RGS22: variants seen among roughly 807,000 people sequenced by gnomAD.
RGS22 encodes regulator of G-protein signaling 22.
Under a neutral mutation model 172.9 loss-of-function variants are expected in RGS22, and 148 were observed. The ratio of observed to expected loss-of-function variants is 0.86; its 90% CI spans 0.75 to 0.98. RGS22 has a LOEUF of 0.98. RGS22 is among the 50% of genes least tolerant of loss of function. RGS22 has a pLI of 0.00. For synonymous variants in RGS22, 458 were observed against 480.2 expected (o/e 0.95, Z 0.60); for missense variants, 1,347 against 1,440.8 (o/e 0.93, Z 1.05).
chr8:99,994,246 T>A (rs976898065), intron 20 of RGS22, among the ~76,000 whole-genome samples: 4 of 152,164 alleles, frequency 2.6e-5, no homozygotes, highest in African/African-American at 9.7e-5. Context: ...TTCAATGTAG[T>A]GTTGGAAGTT....
intron 14 of RGS22, among the ~76,000 whole-genome samples, chr8:100,028,936 G>T (rs1210430896): frequency 6.6e-6 from 1 of 152,132 alleles, no homozygotes; most frequent in East Asian, 1.9e-4. Flanking sequence ...CATGTATGTG[G>T]TTACATTACA....
At chr8:99,963,781 G>A (rs949943729) in intron 24 of RGS22, among the ~76,000 whole-genome samples, 23 of 151,998 alleles carry the variant, frequency 1.5e-4, no homozygotes, top group African/African-American at 5.6e-4. Context: ...TTTATATCAG[G>A]GACTTGAGCA....
chr8:100,039,985 A>C lies in RGS22; in HGVS notation c.2041T>G (p.Phe681Val), dbSNP rs1819931067. The change falls in exon 13 of 28, where the codon TTC becomes GTC. Residue 681 changes from phenylalanine (F) to valine (V), a missense_variant. Coordinates refer to ENST00000360863, the MANE Select transcript of RGS22 (RefSeq NM_015668.5). ...ACCTTGTTCCCTGAATGCTCGCAGA[A>C]TTTAGTAAAGAAGAATCCAGCTCTA... ...ENRAGFFFTK[F>V]CEHSGNKLWK... The C allele has an allele frequency of 6.3e-7, 1 of 1,583,282 alleles. No individual in the cohort carries two copies. Among genetic ancestry groups the C allele is most frequent in the Non-Finnish European group, 8.6e-7 (1 of 1,165,610 alleles).
At chr8:100,041,060 C>T (rs1237505309) in intron 12 of RGS22, among the ~76,000 whole-genome samples, 1 of 152,104 alleles carries the variant, frequency 6.6e-6, no homozygotes, top group East Asian at 1.9e-4. Context: ...GCTAAGTGTT[C>T]AGACTGTATT....
At chr8:100,013,848 C>T (rs1816672850) in intron 14 of RGS22, among the ~76,000 whole-genome samples, 1 of 152,124 alleles carries the variant, frequency 6.6e-6, no homozygotes, top group South Asian at 2.1e-4. Flanking sequence ...TCCATTATTT[C>T]AACTATACTC....
intron 14 of RGS22, among the ~76,000 whole-genome samples, chr8:100,011,588 G>C (rs571292293): frequency 6.6e-6 from 1 of 152,230 alleles, no homozygotes; most frequent in East Asian, 1.9e-4. Flanking sequence ...GAGGAGACAA[G>C]GATTATAGTT....
chr8:100,080,224 A>G lies in RGS22; in HGVS notation c.249T>C (p.Asp83=). ...QNQQPRNPIY[D]VVRKGKNEVK... is the part of the protein sequence containing the mutation. ...CCTCATTCTTTCCTTTCCTTACAAC[A>G]TCATAAATGGGATTTCGAGGTTGCT... is the stretch of plus-strand genomic sequence containing the variant. Residue 83 remains aspartate (D), a synonymous_variant, in exon 4 of 28, where the codon GAT becomes GAC. Coordinates refer to ENST00000360863, the MANE Select transcript of RGS22 (RefSeq NM_015668.5). 1 of 1,613,710 alleles carries G rather than the reference A, an allele frequency of 6.2e-7. No homozygotes were observed. Among genetic ancestry groups the G allele is most frequent in the Non-Finnish European group, 8.5e-7 (1 of 1,179,656 alleles).
chr8:100,052,593 C>T (rs571033547), intron 10 of RGS22, among the ~76,000 whole-genome samples: 58 of 152,230 alleles, frequency 3.8e-4, no homozygotes, highest in Non-Finnish European at 5.4e-4. Context: ...AGCCACCGCG[C>T]CCGGCCATGA....
chr8:100,079,114 A>C (rs140461005), intron 4 of RGS22, among the ~76,000 whole-genome samples: 5 of 152,372 alleles, frequency 3.3e-5, no homozygotes, highest in African/African-American at 9.6e-5. Flanking sequence ...ACAATAAATA[A>C]ATAGGCTATA....
At position 99,990,828 on chromosome 8, in the gene RGS22, A is replaced by G. The variant is rs970576666; in HGVS notation, c.3019-3209T>C. Reference sequence around the variant, plus strand: ...TCAAGTGGGTCCCTGACCCCCATGTAGCCTAACTGGGAGACACCTCCCAGT... The same window carrying G: ...TCAAGTGGGTCCCTGACCCCCATGTGGCCTAACTGGGAGACACCTCCCAGT... On this transcript the variant is annotated intron_variant, in intron 20 of 27. Coordinates refer to ENST00000360863, the MANE Select transcript of RGS22 (RefSeq NM_015668.5). 1.1e-4 allele frequency among the ~76,000 whole-genome samples: 16 copies of G among 152,182 alleles called. 1 individual carries two copies. Among genetic ancestry groups the G allele is most frequent in the African/African-American group, 3.6e-4 (15 of 41,448 alleles).
intron 14 of RGS22, among the ~76,000 whole-genome samples, chr8:100,017,833 C>A (rs892715010): frequency 1.3e-5 from 2 of 151,946 alleles, no homozygotes; most frequent in Non-Finnish European, 2.9e-5. Context: ...TTTTACTGGC[C>A]GCCCAGTTCT....
At position 100,047,493 on chromosome 8, in the gene RGS22, C is replaced by A. The variant is rs1461795322; in HGVS notation, c.1793G>T (p.Gly598Val). ...KPWKRELLYP[G>V]SSKDDVIEKG... Reference sequence around the variant, plus strand: ...CTCAATCACATCATCCTTAGAAGAACCTGGATACAAAAGCTCCCGCTTCCA... The same window carrying A: ...CTCAATCACATCATCCTTAGAAGAAACTGGATACAAAAGCTCCCGCTTCCA... The change falls in exon 11 of 28, where the codon GGT becomes GTT. Residue 598 changes from glycine to valine, a missense_variant. Coordinates refer to ENST00000360863, the MANE Select transcript of RGS22 (RefSeq NM_015668.5). 3 of 1,605,516 alleles carry A rather than the reference C, an allele frequency of 1.9e-6. No individual in the cohort carries two copies. The highest frequency in any genetic ancestry group is 2.2e-5 in the South Asian group (2 of 88,910).
chr8:100,053,074 G>A, intron 9 of RGS22, 98 bp from the exon 10 acceptor site: 1 of 1,064,442 alleles, frequency 9.4e-7, no homozygotes, highest in Non-Finnish European at 1.4e-6. Context: ...ACAATTAACA[G>A]TCTTGCCATA....
chr8:100,100,665 G>A (rs1021213170), intron 2 of RGS22, among the ~76,000 whole-genome samples: 1 of 152,114 alleles, frequency 6.6e-6, no homozygotes, highest in African/African-American at 2.4e-5. Flanking sequence ...AGTCAACTAT[G>A]TTACTGTATG....
intron 6 of RGS22, among the ~76,000 whole-genome samples, chr8:100,070,685 CA>C (rs35438970): frequency 9.3e-5 from 14 of 150,540 alleles, no homozygotes; most frequent in African/African-American, 2.2e-4. Context: ...GTAGTTATGC[CA>C]AAAAAAAGAG....
At chr8:100,033,930 A>T (rs1819144546) in intron 14 of RGS22, among the ~76,000 whole-genome samples, 1 of 152,050 alleles carries the variant, frequency 6.6e-6, no homozygotes, top group Non-Finnish European at 1.5e-5. Flanking sequence ...CATGCTAAAA[A>T]CTCTCAATAA....
chr8:100,054,506 A>T (rs1822040012), intron 9 of RGS22: 2 of 154,074 alleles, frequency 1.3e-5, no homozygotes, highest in South Asian at 4.1e-4. Context: ...AGGTGAGAGG[A>T]TCACTTGAGC....
intron 2 of RGS22, among the ~76,000 whole-genome samples, chr8:100,094,503 CA>C (rs1812819703): frequency 6.6e-6 from 1 of 152,098 alleles, no homozygotes. Flanking sequence ...ATTGCAGCAT[CA>C]GAAGAGAGTT....
intron 15 of RGS22, 46 bp downstream of exon 15, chr8:100,008,329 A>T (rs1360469370): frequency 1.3e-6 from 2 of 1,553,892 alleles, no homozygotes; most frequent in Non-Finnish European, 1.8e-6. Context: ...TCAGTATTGT[A>T]GTAAACCTGA....
Sources: allele counts gnomAD v4.1 joint callset (sites outside exome capture counted in the v4.1 genomes callset), GRCh38; gene constraint gnomAD v4.1.1; transcripts MANE v1.5; gene names NCBI Gene and HGNC (gene_info 2026-07-23, HGNC 2026-07-21).